Variants in WDR91 observed in about 807,000 individuals in gnomAD.
WDR91 encodes WD repeat domain 91, also known as WD repeat-containing protein 91.
Under a neutral mutation model 88.4 loss-of-function variants are expected in WDR91, and 52 were observed. The ratio of observed to expected loss-of-function variants is 0.59; its 90% CI spans 0.47 to 0.74. WDR91 has a LOEUF of 0.74. Ranked by LOEUF, WDR91 falls within the 30% of genes least tolerant of loss-of-function variation. The pLI is 0.00. For synonymous variants in WDR91, 362 were observed against 389.5 expected (o/e 0.93, Z 0.83); for missense variants, 824 against 954.5 (o/e 0.86, Z 1.80).
chr7:135,207,422 G>GA (rs1831838474), intron 3 of WDR91: 1 of 544,696 alleles, frequency 1.8e-6, no homozygotes, highest in African/African-American at 1.9e-5. Context: ...CAGATTCACA[G>GA]ACGCATGACC....
chr7:135,202,465 C>T (rs1196240576), intron 6 of WDR91: 6 of 152,170 alleles, frequency 3.9e-5, no homozygotes, highest in Non-Finnish European at 8.8e-5. Context: ...ATCTTTGTTC[C>T]ATTATATTTT....
chr7:135,190,637 G>T (rs1304976806), intron 11 of WDR91, among the ~76,000 whole-genome samples: 1 of 151,826 alleles, frequency 6.6e-6, no homozygotes, highest in Non-Finnish European at 1.5e-5. Flanking sequence ...TTGAAAATAT[G>T]GGTAAAAATG....
intron 3 of WDR91, among the ~76,000 whole-genome samples, chr7:135,207,731 C>T (rs1387302492): frequency 1.3e-5 from 2 of 152,252 alleles, no homozygotes; most frequent in Admixed American, 1.3e-4. Flanking sequence ...AGAACAACGA[C>T]AGTCTATAGC....
rs190393495 is a variant in WDR91 at position 135,195,966 on chromosome 7, G to C, written c.1244+178C>G. On this transcript the variant is annotated intron_variant, in intron 8 of 14. Transcript: ENST00000354475. ...TGTCTCAATAAGGAAAAAAAAAAAA[G>C]GGCAGACAGGCTGACCAGTCCACTG... Among the ~76,000 whole-genome samples the C allele has an allele frequency of 4.6e-5, 7 of 151,176 alleles. No homozygotes were observed. The East Asian group carries it at 1.4e-3, about 29-fold the overall frequency.
In WDR91 at chr7:135,204,329, G is replaced by A. The variant is rs567032751; in HGVS notation, c.830C>T (p.Ser277Leu). 7.4e-6 allele frequency: 12 copies of A among 1,614,148 alleles called. No homozygotes were observed. The East Asian group carries it at 1.1e-4, about 15-fold the overall frequency. ...AGGTTGAGGAGGGCCCTGAGCAGGC[G>A]ACAACCTTGAGGGGCTCTTCTTACT... ...PQSKKSPSRL[S>L]PAQGPPQPQS... The change falls in exon 6 of 15, where the codon TCG becomes TTG. Residue 277 changes from serine (S) to leucine (L), a missense_variant. Coordinates refer to ENST00000354475, the MANE Select transcript of WDR91 (RefSeq NM_014149.4).
intron 9 of WDR91, 125 bp from the exon 10 acceptor site, chr7:135,193,797 C>T (rs1344827857): frequency 2.2e-5 from 16 of 727,616 alleles, no homozygotes; most frequent in Non-Finnish European, 3.1e-5. Context: ...CGCATCCAGG[C>T]AGTTCAGGGG....
chr7:135,193,383 A>G lies in WDR91; in HGVS notation c.1507T>C (p.Cys503Arg). Residue 503 changes from cysteine to arginine, a missense_variant, in exon 11 of 15, where the codon TGC becomes CGC. Cys to Arg is a radical substitution (Grantham distance 180). Coordinates refer to ENST00000354475, the MANE Select transcript of WDR91 (RefSeq NM_014149.4). ...DNMPRILSLA[C>R]SPNGASFVCS... The stretch of plus-strand genomic sequence containing the variant: ...ACGAAAGAGGCCCCGTTGGGGCTGC[A>G]CGCAAGAGACAGGATTCTGCAACAC... 1 of 1,614,166 alleles carries G rather than the reference A, an allele frequency of 6.2e-7. No individual in the cohort carries two copies. The highest frequency in any genetic ancestry group is 8.5e-7 in the Non-Finnish European group (1 of 1,180,028).
rs143778650 is a variant in WDR91, at chr7:135,203,757, AG to A, written c.891+510del. On this transcript the variant is annotated intron_variant, in intron 6 of 14. Coordinates refer to ENST00000354475, the MANE Select transcript of WDR91 (RefSeq NM_014149.4). Reference sequence around the variant, plus strand: ...GTTCATAGGAAATTTATGAGAAAAGAGGGGAGACTCTTCAAAGCCTACTTCC... The same window carrying A: ...GTTCATAGGAAATTTATGAGAAAAGAGGGAGACTCTTCAAAGCCTACTTCC... Among the ~76,000 whole-genome samples, 1,974 of 152,336 alleles carry A rather than the reference AG, an allele frequency of 0.013. 135 individuals are homozygous for A. The East Asian group carries it at 0.21, about 16-fold the overall frequency.
chr7:135,187,265 G>C, intron 13 of WDR91, 96 bp from the exon 14 acceptor site: 4 of 1,290,632 alleles, frequency 3.1e-6, no homozygotes, highest in Non-Finnish European at 4.3e-6. Flanking sequence ...AGAGGCTGGC[G>C]AGGGCGACCC....
intron 6 of WDR91, chr7:135,199,699 C>G (rs1831500014): frequency 6.6e-6 from 1 of 152,238 alleles, no homozygotes; most frequent in Non-Finnish European, 1.5e-5. Context: ...CAGGGGGATT[C>G]TGCCTTGGAA....
In WDR91 at chr7:135,186,078, G is replaced by A; in HGVS notation, c.*73C>T. 2 of 1,479,598 alleles carry A rather than the reference G, an allele frequency of 1.4e-6. No homozygotes were observed. Among genetic ancestry groups the A allele is most frequent in the Non-Finnish European group, 1.8e-6 (2 of 1,114,680 alleles). 91.7% of individuals were successfully genotyped at this position (1,479,598 alleles called of 1,614,324 possible). A position where few individuals can be genotyped will look rare whatever the true frequency, so the allele number is the denominator to read the frequency against. On this transcript the variant is annotated 3_prime_UTR_variant, in exon 15 of 15. Transcript: ENST00000354475. ...GCAGGGAGCTGGAGTGGAGCACGTG[G>A]TTTTCCTGTCCTATATCTCCTCCCC...
intron 8 of WDR91, among the ~76,000 whole-genome samples, chr7:135,195,845 G>T (rs1831342921): frequency 6.6e-6 from 1 of 152,122 alleles, no homozygotes; most frequent in Non-Finnish European, 1.5e-5. Flanking sequence ...TACTTGGGAG[G>T]CTGAGGCACG....
intron 3 of WDR91, among the ~76,000 whole-genome samples, chr7:135,207,892 G>C (rs570753163): frequency 6.6e-6 from 1 of 152,176 alleles, no homozygotes; most frequent in Non-Finnish European, 1.5e-5. Flanking sequence ...TGACAGTTTC[G>C]ATTTCACTGG....
chr7:135,186,435 A>T, intron 14 of WDR91, 120 bp from the exon 15 acceptor site: 2 of 1,102,676 alleles, frequency 1.8e-6, no homozygotes, highest in Non-Finnish European at 2.5e-6. Context: ...CCACCTTTCC[A>T]GAAAGTCTGT....
At chr7:135,201,148 A>T (rs6952836) in intron 6 of WDR91, among the ~76,000 whole-genome samples, 2,629 of 152,268 alleles carry the variant, frequency 0.017, 77 homozygotes, top group African/African-American at 0.06. Flanking sequence ...ATTAAAAGTT[A>T]TCTCTATAAT....
In WDR91 at chr7:135,184,942, T is replaced by G. The variant is rs1412538597; in HGVS notation, c.*1209A>C. On this transcript the variant is annotated 3_prime_UTR_variant, in exon 15 of 15. Coordinates refer to ENST00000354475, the MANE Select transcript of WDR91 (RefSeq NM_014149.4). The stretch of plus-strand genomic sequence containing the variant: ...GTTCTCCCAGTGGCGTGATCTCGGC[T>G]CACTGCAACCTCCGCCTCCTGGGCT... 1 of 152,020 alleles carries G rather than the reference T, an allele frequency of 6.6e-6. No individual in the cohort carries two copies. Among genetic ancestry groups the G allele is most frequent in the Non-Finnish European group, 1.5e-5 (1 of 68,036 alleles). 9.4% of individuals were successfully genotyped at this position (152,020 alleles called of 1,614,324 possible).
Position 135,204,295 on chromosome 7 carries a change from CG to C in WDR91, c.863del (p.Ser288TrpfsTer90). 1 of 1,614,080 alleles carries C rather than the reference CG, an allele frequency of 6.2e-7. No individual in the cohort carries two copies. The highest frequency in any genetic ancestry group is 8.5e-7 in the Non-Finnish European group (1 of 1,180,000). On this transcript the variant is annotated frameshift_variant, in exon 6 of 15. Transcript: ENST00000354475. LOFTEE classifies it high-confidence loss of function. Reference sequence around the variant, plus strand: ...GACCACCGAAGGACTCTTTCTTGGCCGAGCTCTGAGGTTGAGGAGGGCCCTG... The same window carrying C: ...GACCACCGAAGGACTCTTTCTTGGCCAGCTCTGAGGTTGAGGAGGGCCCTG... ...PAQGPPQPQS[S>X]AKKESFGGQG...
At chr7:135,188,386 C>T (rs1831032643) in intron 13 of WDR91, 47 bp downstream of exon 13, 2 of 1,549,788 alleles carry the variant, frequency 1.3e-6, no homozygotes, top group South Asian at 2.2e-5. Context: ...GCAGCCGGCC[C>T]ACATGTCATC....
chr7:135,204,342 G>T lies in WDR91; in HGVS notation c.817C>A (p.Pro273Thr). The T allele has an allele frequency of 6.2e-7, 1 of 1,614,148 alleles. No homozygotes were observed. Among genetic ancestry groups the T allele is most frequent in the Non-Finnish European group, 8.5e-7 (1 of 1,180,042 alleles). ...CCCTGAGCAGGCGACAACCTTGAGG[G>T]GCTCTTCTTACTCTGAGGCAGCAGC... The part of the protein sequence containing the change: ...SSLLPQSKKS[P>T]SRLSPAQGPP... The change falls in exon 6 of 15, where the codon CCC becomes ACC. Residue 273 changes from proline to threonine, a missense_variant. Coordinates refer to ENST00000354475, the MANE Select transcript of WDR91 (RefSeq NM_014149.4).
Sources: allele counts gnomAD v4.1 joint callset (sites outside exome capture counted in the v4.1 genomes callset), GRCh38; gene constraint gnomAD v4.1.1; transcripts MANE v1.5; gene names NCBI Gene and HGNC (gene_info 2026-07-23, HGNC 2026-07-21).